Variants in EPHA3 observed in about 807,000 individuals in gnomAD.
EPHA3 encodes the protein ephrin type-A receptor 3.
In EPHA3, 42 loss-of-function variants were observed where a neutral mutation model predicts 107.1. The ratio of observed to expected loss-of-function variants is 0.39; its 90% CI spans 0.31 to 0.51. The LOEUF (loss-of-function observed/expected upper bound fraction) is 0.51. EPHA3 is among the 20% of genes least tolerant of loss of function. The pLI is 0.78. For synonymous variants in EPHA3, 461 were observed against 424.8 expected (o/e 1.09, Z -1.05); for missense variants, 1,183 against 1,211.2 (o/e 0.98, Z 0.35).
chr3:89,406,504 G>T (rs1245164788), intron 7 of EPHA3, among the ~76,000 whole-genome samples: 1 of 152,112 alleles, frequency 6.6e-6, no homozygotes, highest in Non-Finnish European at 1.5e-5. Context: ...CATAAAATCA[G>T]TCATAGACAA....
chr3:89,446,207 T>A (rs1709873425), intron 13 of EPHA3, among the ~76,000 whole-genome samples: 1 of 152,206 alleles, frequency 6.6e-6, no homozygotes, highest in Non-Finnish European at 1.5e-5. Flanking sequence ...TGTAACCATG[T>A]ATTTCATTAG....
intron 1 of EPHA3, among the ~76,000 whole-genome samples, chr3:89,124,043 T>C (rs1324448901): frequency 1.3e-5 from 2 of 152,172 alleles, no homozygotes; most frequent in African/African-American, 4.8e-5. Context: ...ATTTTATCAT[T>C]GCGAACTCGT....
intron 15 of EPHA3, among the ~76,000 whole-genome samples, chr3:89,467,315 T>C (rs1256585261): frequency 6.6e-6 from 1 of 152,210 alleles, no homozygotes; most frequent in East Asian, 1.9e-4. Context: ...AGTTGCTTTT[T>C]AGATTTAATG....
intron 2 of EPHA3, among the ~76,000 whole-genome samples, chr3:89,174,064 C>T (rs1435539913): frequency 6.6e-6 from 1 of 151,748 alleles, no homozygotes; most frequent in Non-Finnish European, 1.5e-5. Flanking sequence ...AGAGAAGAAA[C>T]TCAAGAAAAA....
At chr3:89,468,041 C>T (rs1710323718) in intron 15 of EPHA3, among the ~76,000 whole-genome samples, 1 of 152,174 alleles carries the variant, frequency 6.6e-6, no homozygotes, top group Non-Finnish European at 1.5e-5. Flanking sequence ...TGCAGCTGCT[C>T]AAAGGCCCAG....
At chr3:89,373,062 A>G (rs760287959) in intron 5 of EPHA3, among the ~76,000 whole-genome samples, 2 of 151,802 alleles carry the variant, frequency 1.3e-5, no homozygotes, top group Non-Finnish European at 2.9e-5. Context: ...TATTATTTTT[A>G]CTTACTAATT....
At chr3:89,140,015 C>T (rs1191551490) in intron 2 of EPHA3, among the ~76,000 whole-genome samples, 1 of 151,698 alleles carries the variant, frequency 6.6e-6, no homozygotes, top group Non-Finnish European at 1.5e-5. Context: ...CTTTCATAAG[C>T]CCAAGAGAAA....
intron 3 of EPHA3, among the ~76,000 whole-genome samples, chr3:89,303,516 A>G (rs1706540666): frequency 1.3e-5 from 2 of 151,366 alleles, no homozygotes; most frequent in Middle Eastern, 3.2e-3. Flanking sequence ...AGAGAAAAGG[A>G]AGGGATAGAT....
At chr3:89,395,041 G>A (rs1708819948) in intron 5 of EPHA3, among the ~76,000 whole-genome samples, 1 of 152,154 alleles carries the variant, frequency 6.6e-6, no homozygotes, top group African/African-American at 2.4e-5. Context: ...AAATGAATTT[G>A]ACCCTATGAT....
intron 2 of EPHA3, among the ~76,000 whole-genome samples, chr3:89,162,696 C>G (rs1704977858): frequency 6.6e-6 from 1 of 152,142 alleles, no homozygotes; most frequent in Admixed American, 6.6e-5. Context: ...GTGATCTAGA[C>G]CTACCAAGGG....
intron 3 of EPHA3, among the ~76,000 whole-genome samples, chr3:89,252,388 G>T (rs1335498191): frequency 1.3e-5 from 2 of 152,132 alleles, no homozygotes; most frequent in African/African-American, 4.8e-5. Flanking sequence ...ACGTAAAATA[G>T]ATTTGGTATA....
intron 11 of EPHA3, among the ~76,000 whole-genome samples, chr3:89,427,250 T>C (rs1333148249): frequency 1.3e-5 from 2 of 151,894 alleles, no homozygotes; most frequent in Admixed American, 6.6e-5. Flanking sequence ...AAATAAGACA[T>C]AATTCCTGGA....
intron 5 of EPHA3, among the ~76,000 whole-genome samples, chr3:89,393,984 A>C: frequency 6.6e-6 from 1 of 152,224 alleles, no homozygotes; most frequent in South Asian, 2.1e-4. Flanking sequence ...GAATAGATGA[A>C]GAATTGATAA....
chr3:89,468,352 A>T (rs925315422), intron 15 of EPHA3, among the ~76,000 whole-genome samples: 1 of 152,078 alleles, frequency 6.6e-6, no homozygotes, highest in Admixed American at 6.6e-5. Flanking sequence ...TTCTATTTCA[A>T]TTTGTTTATA....
chr3:89,470,961 A>G (rs1471955320), intron 15 of EPHA3, among the ~76,000 whole-genome samples: 1 of 152,230 alleles, frequency 6.6e-6, no homozygotes, highest in Non-Finnish European at 1.5e-5. Context: ...CATTGAGTGC[A>G]CATGAACGTT....
At chr3:89,476,688 A>T (rs558841662) in intron 16 of EPHA3, among the ~76,000 whole-genome samples, 3 of 151,352 alleles carry the variant, frequency 2.0e-5, no homozygotes, top group South Asian at 4.2e-4. Context: ...GCTCACTGCA[A>T]GCTCCGCCTC....
At chr3:89,471,758 T>G (rs1710408350) in intron 15 of EPHA3, among the ~76,000 whole-genome samples, 1 of 151,928 alleles carries the variant, frequency 6.6e-6, no homozygotes, top group Admixed American at 6.6e-5. Context: ...TGTGTGTATA[T>G]ATATAAAATA....
chr3:89,431,032 A>G (rs527685358), intron 12 of EPHA3, 118 bp from the exon 13 acceptor site: 1 of 1,010,098 alleles, frequency 9.9e-7, no homozygotes, highest in African/African-American at 1.6e-5. Flanking sequence ...AGTGCTTAGG[A>G]CTAAAGTGTG....
chr3:89,340,974 G>C lies in EPHA3; in HGVS notation c.873G>C (p.Pro291=). 1 of 1,614,106 alleles carries C rather than the reference G, an allele frequency of 6.2e-7. No homozygotes were observed. Among genetic ancestry groups the C allele is most frequent in the South Asian group, 1.1e-5 (1 of 91,088 alleles). The change falls in exon 4 of 17, where the codon CCG becomes CCC. Residue 291 remains proline (P), a synonymous_variant. Coordinates refer to ENST00000336596, the MANE Select transcript of EPHA3 (RefSeq NM_005233.6). ...LDGNMKCAKC[P]PHSSTQEDGS... is the part of the protein sequence containing the mutation. ...GTAATATGAAGTGTGCTAAGTGCCC[G>C]CCTCACAGTTCTACTCAGGAAGATG...
Sources: allele counts gnomAD v4.1 joint callset (sites outside exome capture counted in the v4.1 genomes callset), GRCh38; gene constraint gnomAD v4.1.1; transcripts MANE v1.5; gene names NCBI Gene and HGNC (gene_info 2026-07-23, HGNC 2026-07-21).